Variants in CCDC15 observed in about 807,000 individuals in gnomAD.
The protein encoded by CCDC15 is coiled-coil domain containing 15.
A neutral mutation model predicts 114.5 loss-of-function variants in CCDC15; 105 were observed. The ratio of observed to expected loss-of-function variants is 0.92; its 90% CI spans 0.78 to 1.08. CCDC15 has a LOEUF of 1.08. CCDC15 is among the 50% of genes least tolerant of loss of function. CCDC15 has a pLI of 0.00. For synonymous variants in CCDC15, 334 were observed against 377.8 expected (o/e 0.88, Z 1.34); for missense variants, 1,105 against 1,093.6 (o/e 1.01, Z -0.15).
In CCDC15 at chr11:124,977,460, T is replaced by C; in HGVS notation, c.631-18T>C. ...CTTCCTCTAGACCTATTTATATTTG[T>C]AGTAATTTTTTTTCCAGGAAGTGCT... On this transcript the variant is annotated intron_variant, in intron 5 of 15. Coordinates refer to ENST00000344762, the MANE Select transcript of CCDC15 (RefSeq NM_025004.3). The C allele has an allele frequency of 6.4e-7, 1 of 1,565,506 alleles. No individual in the cohort carries two copies. Among genetic ancestry groups the C allele is most frequent in the East Asian group, 2.3e-5 (1 of 43,384 alleles).
rs924095869 is a variant in CCDC15, at chr11:124,983,745, T to A, written c.754-2997T>A. On this transcript the variant is annotated intron_variant, in intron 6 of 15. Coordinates refer to ENST00000344762, the MANE Select transcript of CCDC15 (RefSeq NM_025004.3). ...TTTTGGGTGGTGGCAATGGGATTCA[T>A]GCTTGTTTTTATGTGCCAGCAGCAG... Among the ~76,000 whole-genome samples the A allele has an allele frequency of 7.9e-5, 12 of 152,172 alleles. 1 individual carries two copies. The highest frequency in any genetic ancestry group is 1.8e-4 in the Non-Finnish European group (12 of 68,020).
intron 11 of CCDC15, among the ~76,000 whole-genome samples, chr11:125,000,096 C>T (rs190859168): frequency 4.0e-4 from 61 of 152,118 alleles, no homozygotes; most frequent in Non-Finnish European, 2.5e-4. Flanking sequence ...CTCCTGACCT[C>T]AAGTAATCCA....
intron 11 of CCDC15, among the ~76,000 whole-genome samples, chr11:124,999,360 T>G (rs1385425842): frequency 6.6e-6 from 1 of 152,174 alleles, no homozygotes; most frequent in Non-Finnish European, 1.5e-5. Flanking sequence ...TTTTATGTAC[T>G]AATTATTTTC....
At chr11:125,018,498 A>C (rs926415559) in intron 13 of CCDC15, among the ~76,000 whole-genome samples, 2 of 152,078 alleles carry the variant, frequency 1.3e-5, no homozygotes, top group African/African-American at 4.8e-5. Flanking sequence ...AATACCGTAT[A>C]TTTAGTATTA....
chr11:124,958,014 AT>A (rs1292525626), intron 2 of CCDC15, among the ~76,000 whole-genome samples: 1 of 152,194 alleles, frequency 6.6e-6, no homozygotes, highest in East Asian at 1.9e-4. Context: ...CTATATTAAA[AT>A]TACTTAATCT....
chr11:124,992,336 G>T (rs1392470900), intron 9 of CCDC15, among the ~76,000 whole-genome samples: 3 of 152,190 alleles, frequency 2.0e-5, no homozygotes, highest in Non-Finnish European at 4.4e-5. Flanking sequence ...CATGTACAAT[G>T]TAGGAACTAG....
chr11:125,040,090 G>C (rs1054399703), intron 15 of CCDC15, among the ~76,000 whole-genome samples: 3 of 151,294 alleles, frequency 2.0e-5, no homozygotes, highest in African/African-American at 7.3e-5. Context: ...CTGTCGCCCA[G>C]GCCAGAGTGC....
chr11:124,988,635 C>T (rs530180899), intron 8 of CCDC15, among the ~76,000 whole-genome samples: 1 of 152,298 alleles, frequency 6.6e-6, no homozygotes, highest in South Asian at 2.1e-4. Context: ...AGCATTTGAT[C>T]TACAGTAGAA....
intron 13 of CCDC15, among the ~76,000 whole-genome samples, chr11:125,021,017 T>C (rs972675933): frequency 5.9e-5 from 9 of 151,686 alleles, no homozygotes. Context: ...TTGATCTATG[T>C]TGGTGCTATA....
At chr11:124,992,432 T>A in intron 9 of CCDC15, 148 bp from the exon 10 acceptor site, 1 of 593,908 alleles carries the variant, frequency 1.7e-6, no homozygotes, top group Non-Finnish European at 3.0e-6. Flanking sequence ...GAGCTAAAAG[T>A]GTAACATCTC....
intron 4 of CCDC15, among the ~76,000 whole-genome samples, chr11:124,966,474 T>G (rs1027834541): frequency 2.8e-4 from 40 of 142,162 alleles, no homozygotes; most frequent in African/African-American, 8.9e-4. Flanking sequence ...TTTTTTTTTT[T>G]GTTTGTTTTC....
At chr11:124,958,055 A>G (rs889223967) in intron 2 of CCDC15, among the ~76,000 whole-genome samples, 18 of 152,234 alleles carry the variant, frequency 1.2e-4, no homozygotes, top group Non-Finnish European at 2.9e-5. Context: ...CATCTGTAAC[A>G]TAAGGGATAA....
At chr11:125,032,774 C>G (rs575897986) in intron 13 of CCDC15, among the ~76,000 whole-genome samples, 2 of 152,194 alleles carry the variant, frequency 1.3e-5, no homozygotes, top group South Asian at 4.2e-4. Flanking sequence ...GGGAAATGAC[C>G]ACAGGATGAG....
intron 4 of CCDC15, among the ~76,000 whole-genome samples, chr11:124,973,357 T>C (rs1255330274): frequency 6.6e-6 from 1 of 152,016 alleles, no homozygotes; most frequent in Non-Finnish European, 1.5e-5. Flanking sequence ...GGGGCTATTT[T>C]TTTTTTTTTA....
intron 13 of CCDC15, among the ~76,000 whole-genome samples, chr11:125,019,348 G>A (rs1948648194): frequency 6.6e-6 from 1 of 151,978 alleles, no homozygotes; most frequent in African/African-American, 2.4e-5. Flanking sequence ...GTAGTGTTGA[G>A]TGCTTTAGAG....
At chr11:124,978,507 C>T (rs995713584) in intron 6 of CCDC15, among the ~76,000 whole-genome samples, 8 of 152,180 alleles carry the variant, frequency 5.3e-5, no homozygotes, top group Non-Finnish European at 8.8e-5. Flanking sequence ...TTTTTGTCCA[C>T]AGCCGTGTCA....
intron 13 of CCDC15, among the ~76,000 whole-genome samples, chr11:125,012,633 T>C (rs1167268633): frequency 1.3e-5 from 2 of 152,194 alleles, no homozygotes; most frequent in South Asian, 4.1e-4. Flanking sequence ...TGGATAAATA[T>C]ATGTTTTGCA....
At chr11:125,000,454 A>G (rs531885467) in intron 11 of CCDC15, among the ~76,000 whole-genome samples, 14 of 151,914 alleles carry the variant, frequency 9.2e-5, no homozygotes, top group Non-Finnish European at 1.3e-4. Flanking sequence ...TCTCTAGGTT[A>G]CCCCCTATGC....
At chr11:124,975,273 T>C in intron 5 of CCDC15, 64 bp downstream of exon 5, 1 of 971,674 alleles carries the variant, frequency 1.0e-6, no homozygotes, top group East Asian at 2.9e-5. Context: ...AAAGATTTAC[T>C]TATATCTCAG....
Sources: allele counts gnomAD v4.1 joint callset (sites outside exome capture counted in the v4.1 genomes callset), GRCh38; gene constraint gnomAD v4.1.1; transcripts MANE v1.5; gene names NCBI Gene and HGNC (gene_info 2026-07-23, HGNC 2026-07-21).